The following ADD2 variants were observed in gnomAD, a reference collection of about 807,000 sequenced individuals.
ADD2 encodes adducin 2.
Under a neutral mutation model 83.0 loss-of-function variants are expected in ADD2, and 23 were observed. The observed-to-expected ratio is 0.28, with a 90% CI of 0.20 to 0.39. The LOEUF is 0.39. ADD2 is among the 10% of genes least tolerant of loss of function. The pLI is 1.00. For synonymous variants in ADD2, 375 were observed against 375.4 expected (o/e 1.00, Z 0.01); for missense variants, 758 against 944.9 (o/e 0.80, Z 2.59).
chr2:70,675,682 T>C (rs1326526036), intron 13 of ADD2: 1 of 985,270 alleles, frequency 1.0e-6, no homozygotes, highest in Non-Finnish European at 1.2e-6. Flanking sequence ...AGGCTGCCAG[T>C]CCTCCCTGCC....
chr2:70,707,145 TG>T (rs1671948442), intron 2 of ADD2, among the ~76,000 whole-genome samples: 1 of 152,256 alleles, frequency 6.6e-6, no homozygotes, highest in African/African-American at 2.4e-5. Context: ...AACTTCGCTC[TG>T]GCCCCTGGAA....
Position 70,663,233 on chromosome 2 carries a change from G to C in ADD2, c.*192C>G. 1 of 631,676 alleles carries C rather than the reference G, an allele frequency of 1.6e-6. No homozygotes were observed. The highest frequency in any genetic ancestry group is 2.8e-5 in the East Asian group (1 of 35,176). The allele number at this position is 631,676 out of a possible 1,614,324, so 39.1% of individuals were successfully genotyped here. ...TGCCGCTAACTAGCTGTGTGACCTT[G>C]GGCAAGTCACCTGATTTCTCTTGGG... is the stretch of plus-strand genomic sequence containing the variant. On this transcript the variant is annotated 3_prime_UTR_variant, in exon 16 of 16. Transcript: ENST00000264436.
rs1484588969 is a variant in ADD2 at position 70,723,345 on chromosome 2, A to C, written c.-153-10161T>G. Among the ~76,000 whole-genome samples, 4 of 152,316 alleles carry C rather than the reference A, an allele frequency of 2.6e-5. No homozygotes were observed. In the East Asian group the frequency reaches 7.7e-4, roughly 29 times the overall value. On this transcript the variant is annotated intron_variant, in intron 1 of 15. Coordinates refer to ENST00000264436, the MANE Select transcript of ADD2 (RefSeq NM_001617.4). ...AAGGACTCCACAAATGTTAGGTGCT[A>C]CTATTAAATCATTCCTCATATGGAT...
chr2:70,666,070 T>G (rs185642625), intron 15 of ADD2, among the ~76,000 whole-genome samples: 3 of 152,192 alleles, frequency 2.0e-5, no homozygotes, highest in Non-Finnish European at 2.9e-5. Flanking sequence ...CACCTTGGCC[T>G]CCCAAAGTGC....
chr2:70,676,957 G>A lies in ADD2; in HGVS notation c.1504-72C>T, dbSNP rs925445956. 1.4e-5 allele frequency: 22 copies of A among 1,565,576 alleles called. No individual in the cohort carries two copies. The highest frequency in any genetic ancestry group is 1.7e-4 in the Middle Eastern group (1 of 5,830). On this transcript the variant is annotated intron_variant, in intron 12 of 15. Transcript: ENST00000264436. This position sits in a 1 kb window ranked among gnomAD's most constrained non-coding sequence, Gnocchi z 4.8. ...GCGTGGAGTTTGGGAGGGGGCATACGGGTGTGCCTGGGGTCTAGAAAGGTC... is the reference window on the plus strand; with the variant it reads ...GCGTGGAGTTTGGGAGGGGGCATACAGGTGTGCCTGGGGTCTAGAAAGGTC...
chr2:70,713,042 C>T, intron 2 of ADD2, 24 bp downstream of exon 2: 1 of 968,626 alleles, frequency 1.0e-6, no homozygotes, highest in Non-Finnish European at 1.2e-6. Flanking sequence ...CCCCCGTCAC[C>T]ACCAGAAACT....
In ADD2 at chr2:70,676,144, TTGCTA is replaced by T; in HGVS notation, c.1593+647_1593+651del. ...ACTGCTAAGGAAAATGTCATGCCCA[TTGCTA>T]CCTTGCAAGGAGCAGCAGTGATTTC... On this transcript the variant is annotated intron_variant, in intron 13 of 15. Coordinates refer to ENST00000264436, the MANE Select transcript of ADD2 (RefSeq NM_001617.4). The surrounding 1 kb of genome is among the most constrained non-coding windows in gnomAD (Gnocchi z 4.8). 2.0e-6 allele frequency: 2 copies of T among 985,392 alleles called. No homozygotes were observed. Among genetic ancestry groups the T allele is most frequent in the African/African-American group, 1.7e-5 (1 of 57,252 alleles). The allele number at this position is 985,392 out of a possible 1,614,324, so 61.0% of individuals were successfully genotyped here. A position where few individuals can be genotyped will look rare whatever the true frequency, so the allele number is the denominator to read the frequency against.
intron 6 of ADD2, 68 bp downstream of exon 6, chr2:70,695,653 C>T: frequency 6.9e-7 from 1 of 1,454,832 alleles, no homozygotes; most frequent in Non-Finnish European, 9.6e-7. Context: ...GATGACCTAG[C>T]ACTGTGGGAA....
Position 70,663,591 on chromosome 2 carries a change from C to A in ADD2, c.2015G>T (p.Ser672Ile). 6.2e-7 allele frequency: 1 copy of A among 1,614,170 alleles called. No homozygotes were observed. The highest frequency in any genetic ancestry group is 1.1e-5 in the South Asian group (1 of 91,074). ...AGAGGTATCAACATCCGTGTCAGCA[C>A]TGGTGGTCATCTGGCTCAGGCCTTT... Reference protein sequence around the residue: ...LSKGLSQMTTSADTDVDTSKD... With the variant: ...LSKGLSQMTTIADTDVDTSKD... The change falls in exon 16 of 16, where the codon AGT becomes ATT. Residue 672 changes from serine (S) to isoleucine (I), a missense_variant. This residue lies in a region of ADD2 where 165 missense variants were observed against 176.2 expected (regional missense o/e 0.94). Coordinates refer to ENST00000264436, the MANE Select transcript of ADD2 (RefSeq NM_001617.4).
chr2:70,725,339 A>G (rs541215993), intron 1 of ADD2, among the ~76,000 whole-genome samples: 12 of 152,306 alleles, frequency 7.9e-5, no homozygotes, highest in African/African-American at 2.4e-4. Context: ...CCTGGGAAGA[A>G]TGCTGTCTGG....
intron 1 of ADD2, among the ~76,000 whole-genome samples, chr2:70,745,142 C>T (rs372516160): frequency 2.6e-5 from 4 of 151,924 alleles, no homozygotes; most frequent in Admixed American, 2.0e-4. Flanking sequence ...AAAAATTAGC[C>T]GGGCGTGGTG....
chr2:70,725,959 G>C, intron 1 of ADD2, among the ~76,000 whole-genome samples: 1 of 152,024 alleles, frequency 6.6e-6, no homozygotes, highest in Admixed American at 6.5e-5. Flanking sequence ...AGGCCAAGGC[G>C]GGCGGATCAC....
At chr2:70,716,770 T>C (rs999517092) in intron 1 of ADD2, among the ~76,000 whole-genome samples, 2 of 152,078 alleles carry the variant, frequency 1.3e-5, no homozygotes, top group African/African-American at 4.8e-5. Flanking sequence ...AAGGGTAAGG[T>C]GCTGAGTGTT....
At position 70,678,997 on chromosome 2, in the gene ADD2, AG is replaced by A. The variant is rs1553369058; in HGVS notation, c.1126-37del. 24 of 1,558,760 alleles carry A rather than the reference AG, an allele frequency of 1.5e-5. No homozygotes were observed. In the East Asian group the frequency reaches 5.4e-4, roughly 35 times the overall value. The stretch of plus-strand genomic sequence containing the variant: ...CAAAAATAGAACCACTTATGGGGTG[AG>A]AAAAAAGGCCTGTACCTGCACATAC... On this transcript the variant is annotated intron_variant, in intron 10 of 15. Coordinates refer to ENST00000264436, the MANE Select transcript of ADD2 (RefSeq NM_001617.4).
intron 1 of ADD2, among the ~76,000 whole-genome samples, chr2:70,736,995 C>G (rs1054777136): frequency 2.0e-5 from 3 of 152,116 alleles, no homozygotes; most frequent in Non-Finnish European, 4.4e-5. Context: ...CAATGGCCAT[C>G]AGAGAAATGC....
At chr2:70,717,853 G>A (rs1396017643) in intron 1 of ADD2, 15 of 152,240 alleles carry the variant, frequency 9.9e-5, no homozygotes, top group Admixed American at 8.5e-4. Context: ...TATGGGGAAA[G>A]CTTATCATCA....
At position 70,758,027 on chromosome 2, in the gene ADD2, A is replaced by G. The variant is rs146824836; in HGVS notation, c.-154+9859T>C. 2.2e-3 allele frequency among the ~76,000 whole-genome samples: 330 copies of G among 152,362 alleles called. 5 individuals are homozygous for G. The highest frequency in any genetic ancestry group is 7.2e-3 in the African/African-American group (299 of 41,584). On this transcript the variant is annotated intron_variant, in intron 1 of 15. Coordinates refer to ENST00000264436, the MANE Select transcript of ADD2 (RefSeq NM_001617.4). ...CCACAGAAAATTACCGAAGGAACGT[A>G]AAAATAGGAACAAATCTCCATCACT...
intron 1 of ADD2, among the ~76,000 whole-genome samples, chr2:70,758,564 AGAGAAAT>A (rs1674918880): frequency 1.3e-5 from 2 of 152,194 alleles, no homozygotes; most frequent in South Asian, 4.1e-4. Context: ...TCCGGAGGGT[AGAGAAAT>A]GATGAGATTA....
chr2:70,708,024 A>C (rs1185498060), intron 2 of ADD2, among the ~76,000 whole-genome samples: 1 of 152,202 alleles, frequency 6.6e-6, no homozygotes, highest in Non-Finnish European at 1.5e-5. Flanking sequence ...GCTGATGTCC[A>C]GTAGAGCATA....
Sources: allele counts gnomAD v4.1 joint callset (sites outside exome capture counted in the v4.1 genomes callset), GRCh38; gene constraint gnomAD v4.1.1; regional missense constraint gnomAD v4.1.1; non-coding constraint Gnocchi (gnomAD v3.1); transcripts MANE v1.5; gene names NCBI Gene and HGNC (gene_info 2026-07-23, HGNC 2026-07-21).